Variants in UNC13C observed in about 807,000 individuals in gnomAD.
The protein encoded by UNC13C is unc-13 homolog C.
A neutral mutation model predicts 245.4 loss-of-function variants in UNC13C; 174 were observed. The observed-to-expected ratio is 0.71, with a 90% confidence interval of 0.63 to 0.80. The LOEUF (loss-of-function observed/expected upper bound fraction) is 0.80. Ranked by LOEUF, UNC13C falls within the 30% of genes least tolerant of loss-of-function variation. The probability of loss-of-function intolerance (pLI) is 0.00; values close to 1 mark genes in which losing one functional copy is unlikely to be tolerated. For synonymous variants in UNC13C, 992 were observed against 895.1 expected (o/e 1.11, Z -1.93); for missense variants, 2,829 against 2,602.9 (o/e 1.09, Z -1.89).
chr15:54,354,664 T>C (rs1278913300), intron 17 of UNC13C, among the ~76,000 whole-genome samples: 1 of 152,170 alleles, frequency 6.6e-6, no homozygotes, highest in Non-Finnish European at 1.5e-5. Context: ...CCTTCAGTGA[T>C]AGTAAGAGGA....
At chr15:54,394,761 A>T (rs1364677763) in intron 18 of UNC13C, among the ~76,000 whole-genome samples, 1 of 151,880 alleles carries the variant, frequency 6.6e-6, no homozygotes, top group Admixed American at 6.6e-5. Context: ...TTAAATCAGG[A>T]TTTGATCAGT....
At chr15:53,958,739 T>C in the UNC13C span, among the ~76,000 whole-genome samples, 1 of 152,232 alleles carries the variant, frequency 6.6e-6, no homozygotes, top group African/African-American at 2.4e-5. Context: ...TTATGCTATG[T>C]ATAATGCTCT....
At chr15:54,305,528 TA>T in intron 13 of UNC13C, among the ~76,000 whole-genome samples, 2 of 152,098 alleles carry the variant, frequency 1.3e-5, no homozygotes, top group East Asian at 3.9e-4. Context: ...TGTTTATGAA[TA>T]AATCTATCTT....
At chr15:54,370,400 G>A (rs2039462874) in intron 17 of UNC13C, among the ~76,000 whole-genome samples, 1 of 152,072 alleles carries the variant, frequency 6.6e-6, no homozygotes, top group Non-Finnish European at 1.5e-5. Flanking sequence ...ATGAAATATA[G>A]ACATTTAGAC....
chr15:54,084,564 G>A (rs1245520565), intron 2 of UNC13C, among the ~76,000 whole-genome samples: 1 of 152,056 alleles, frequency 6.6e-6, no homozygotes, highest in African/African-American at 2.4e-5. Context: ...TTTTTGGTAT[G>A]TATCCTTTAA....
chr15:54,522,094 G>A (rs1895243147), intron 24 of UNC13C, among the ~76,000 whole-genome samples: 1 of 152,158 alleles, frequency 6.6e-6, no homozygotes. Flanking sequence ...ATTTGCAAAA[G>A]GAGATAAGTG....
chr15:54,475,462 C>T (rs1349900770), intron 19 of UNC13C, among the ~76,000 whole-genome samples: 2 of 151,714 alleles, frequency 1.3e-5, no homozygotes, highest in South Asian at 2.1e-4. Flanking sequence ...CCCCTCTCCC[C>T]CCACCCCACA....
At chr15:54,560,838 A>G (rs1253882064) in intron 29 of UNC13C, among the ~76,000 whole-genome samples, 1 of 152,042 alleles carries the variant, frequency 6.6e-6, no homozygotes, top group Non-Finnish European at 1.5e-5. Flanking sequence ...TTAAAAGATT[A>G]TTGAAAGAAA....
At position 54,414,989 on chromosome 15, in the gene UNC13C, C is replaced by A. The variant is rs779524365; in HGVS notation, c.4855C>A (p.Gln1619Lys). 1 of 1,612,424 alleles carries A rather than the reference C, an allele frequency of 6.2e-7. No individual in the cohort carries two copies. Among genetic ancestry groups the A allele is most frequent in the South Asian group, 1.1e-5 (1 of 90,816 alleles). The change falls in exon 19 of 33, where the codon CAA (glutamine) becomes AAA (lysine). Residue 1619 changes from glutamine to lysine, a missense_variant. Coordinates refer to ENST00000260323, the MANE Select transcript of UNC13C (RefSeq NM_001080534.3). Reference sequence around the variant, plus strand: ...CAATGTGTTTGGTTTTAGGTTTCCTCAAGAGCTGAACATGGGAAAAATAAG... The same window carrying A: ...CAATGTGTTTGGTTTTAGGTTTCCTAAAGAGCTGAACATGGGAAAAATAAG... ...AYTPVLNQFP[Q>K]ELNMGKISAE...
At chr15:54,271,931 C>G (rs553116368) in intron 10 of UNC13C, among the ~76,000 whole-genome samples, 1 of 152,052 alleles carries the variant, frequency 6.6e-6, no homozygotes, top group Non-Finnish European at 1.5e-5. Flanking sequence ...CCTGAGTGAC[C>G]GTTATATGTA....
At chr15:54,143,505 T>C (rs2032119104) in intron 3 of UNC13C, 115 bp from the exon 4 acceptor site, 4 of 719,616 alleles carry the variant, frequency 5.6e-6, no homozygotes. Context: ...TTAGCATCTG[T>C]CATACTAGGT....
At chr15:53,966,216 C>A in the UNC13C span, among the ~76,000 whole-genome samples, 1 of 152,170 alleles carries the variant, frequency 6.6e-6, no homozygotes, top group Non-Finnish European at 1.5e-5. Context: ...GTTGAACCTA[C>A]TGGCTTGATT....
chr15:54,494,819 C>A, intron 20 of UNC13C, 85 bp downstream of exon 20: 2 of 1,459,276 alleles, frequency 1.4e-6, no homozygotes, highest in Admixed American at 2.1e-5. Context: ...CCACTAAAAT[C>A]TCTTCACATA....
the UNC13C span, among the ~76,000 whole-genome samples, chr15:53,849,096 T>A: frequency 6.6e-6 from 1 of 151,716 alleles, no homozygotes; most frequent in East Asian, 1.9e-4. Context: ...ATATATGTAT[T>A]TTTATATTTA....
chr15:54,594,467 C>A (rs908830817), intron 30 of UNC13C, among the ~76,000 whole-genome samples: 4 of 151,978 alleles, frequency 2.6e-5, no homozygotes, highest in African/African-American at 9.7e-5. Flanking sequence ...CTAGGTGTGT[C>A]TGAGCTCAAG....
chr15:54,515,323 A>G (rs1157986877), intron 24 of UNC13C, among the ~76,000 whole-genome samples: 1 of 152,174 alleles, frequency 6.6e-6, no homozygotes, highest in African/African-American at 2.4e-5. Context: ...CAACAAAATG[A>G]TTATCAGGGT....
At chr15:53,862,438 G>A in the UNC13C span, among the ~76,000 whole-genome samples, 1 of 152,066 alleles carries the variant, frequency 6.6e-6, no homozygotes, top group African/African-American at 2.4e-5. Flanking sequence ...ACTAGAGCCT[G>A]GGGTCTGGAA....
chr15:54,573,635 T>C (rs1353956799), intron 30 of UNC13C, among the ~76,000 whole-genome samples: 2 of 152,228 alleles, frequency 1.3e-5, no homozygotes, highest in Non-Finnish European at 2.9e-5. Context: ...TGATGTTATG[T>C]ATGCAAGTTG....
chr15:54,616,570 G>C (rs912575392), intron 30 of UNC13C, among the ~76,000 whole-genome samples: 1 of 151,850 alleles, frequency 6.6e-6, no homozygotes, highest in African/African-American at 2.4e-5. Context: ...AGCAACAAAA[G>C]CTTTTAAGTA....
Sources: gnomAD v4.1 joint callset for allele counts (sites outside exome capture counted in the v4.1 genomes callset) on GRCh38, gnomAD v4.1.1 for gene constraint, MANE v1.5 for transcripts, NCBI Gene and HGNC (gene_info 2026-07-23, HGNC 2026-07-21) for gene names.